IDUA: variants seen among roughly 807,000 people sequenced by gnomAD.
The protein encoded by IDUA is iduronidase alpha-L-.
IDUA carries 65 observed loss-of-function variants against 68.9 expected under a neutral mutation model. The observed-to-expected ratio is 0.94, with a 90% confidence interval of 0.77 to 1.16. The LOEUF is 1.16. Ranked by LOEUF, IDUA falls within the 50% of genes most tolerant of loss-of-function variation. IDUA has a pLI of 0.00. For synonymous variants in IDUA, 529 were observed against 433.6 expected, an observed-to-expected ratio of 1.22 and a Z score of -2.73; for missense variants, 1,046 against 938.0, an observed-to-expected ratio of 1.12 and a Z score of -1.50.
rs566741452 is a variant in IDUA, at chr4:987,178, G to T, written c.94G>T (p.Val32Leu). 2 of 1,469,932 alleles carry T rather than the reference G, an allele frequency of 1.4e-6. No homozygotes were observed. Among genetic ancestry groups the T allele is most frequent in the African/African-American group, 2.9e-5 (2 of 68,056 alleles). 91.1% of individuals were successfully genotyped at this position (1,469,932 alleles called of 1,614,324 possible). Residue 32 changes from valine to leucine, a missense_variant, in exon 1 of 14, where the codon GTG (valine) becomes TTG (leucine). Coordinates refer to ENST00000514224, the MANE Select transcript of IDUA (RefSeq NM_000203.5). ...PVAPAEAPHL[V>L]HVDAARALWP... ...GGCCCCGGCCGAGGCCCCGCACCTG[G>T]TGCATGTGGACGCGGCCCGCGCGCT...
At chr4:993,884 C>T (rs1011185015) in intron 2 of IDUA, among the ~76,000 whole-genome samples, 9 of 152,210 alleles carry the variant, frequency 5.9e-5, no homozygotes, top group African/African-American at 7.2e-5. Context: ...CGTGTGTGCT[C>T]GCGTAAGCCC....
At chr4:992,024 T>C in intron 2 of IDUA, 1 of 613,938 alleles carries the variant, frequency 1.6e-6, no homozygotes, top group Non-Finnish European at 3.0e-6. Context: ...CGGCACCCTG[T>C]CCAGGCTCAG....
chr4:988,815 T>C, intron 2 of IDUA: 1 of 1,548,930 alleles, frequency 6.5e-7, no homozygotes, highest in Non-Finnish European at 8.7e-7. Context: ...CAGAGGCTGC[T>C]GGGCAGGCCT....
intron 2 of IDUA, among the ~76,000 whole-genome samples, chr4:994,276 T>A (rs1714590645): frequency 6.8e-6 from 1 of 148,086 alleles, no homozygotes; most frequent in South Asian, 2.4e-4. Flanking sequence ...GCCCCCCACC[T>A]TTTCTTTTTT....
In IDUA at chr4:1,004,133, C is replaced by T. The variant is rs748513580; in HGVS notation, c.1828+21C>T. The T allele has an allele frequency of 7.4e-6, 12 of 1,612,362 alleles. No homozygotes were observed. Among genetic ancestry groups the T allele is most frequent in the Non-Finnish European group, 1.0e-5 (12 of 1,179,366 alleles). ...CCCAGGTGCGCCCACCACCCGCTGC[C>T]CTGGACTCGGCCACCCCATTCTTGG... On this transcript the variant is annotated intron_variant, in intron 13 of 13. Coordinates refer to ENST00000514224, the MANE Select transcript of IDUA (RefSeq NM_000203.5). The surrounding 1 kb of genome is among the most constrained non-coding windows in gnomAD (Gnocchi z 5.0).
intron 12 of IDUA, 121 bp downstream of exon 12, chr4:1,003,746 G>T (rs1012517572): frequency 3.5e-6 from 4 of 1,134,828 alleles, no homozygotes; most frequent in South Asian, 1.3e-5. Context: ...CTCCCTCGCC[G>T]CCCTGCGTCC....
rs1715117035 is a variant in IDUA at position 1,002,050 on chromosome 4, C to T, written c.861C>T (p.Phe287=). The change falls in exon 7 of 14, where the codon TTC becomes TTT. Residue 287 remains phenylalanine (F), a synonymous_variant. Transcript: ENST00000514224. The part of the protein sequence containing the change: ...KVVAQQIRQL[F]PKFADTPIYN... ...TCGCGCAGCAGATCCGGCAGCTCTT[C>T]CCCAAGTTCGCGGACACCCCCATTT... 4 of 1,597,536 alleles carry T rather than the reference C, an allele frequency of 2.5e-6. No individual in the cohort carries two copies. Among genetic ancestry groups the T allele is most frequent in the Non-Finnish European group, 3.4e-6 (4 of 1,173,716 alleles).
At chr4:1,001,423 G>A (rs771000679) in intron 4 of IDUA, 45 bp from the exon 5 acceptor site, 4 of 1,530,790 alleles carry the variant, frequency 2.6e-6, no homozygotes, top group Non-Finnish European at 3.6e-6. Context: ...GAGTCACTGA[G>A]GCGAGATTCA....
chr4:991,680 C>G (rs761195058), intron 2 of IDUA: 3 of 1,534,168 alleles, frequency 2.0e-6, no homozygotes, highest in Non-Finnish European at 2.6e-6. Flanking sequence ...TGCCCTGCTG[C>G]AGAGGCTCAG....
At chr4:993,788 T>A (rs984427721) in intron 2 of IDUA, among the ~76,000 whole-genome samples, 1 of 152,194 alleles carries the variant, frequency 6.6e-6, no homozygotes, top group Admixed American at 6.5e-5. Context: ...ACCCTCCTGG[T>A]CCTGCAAGGA....
intron 4 of IDUA, 80 bp downstream of exon 4, chr4:1,001,069 T>C: frequency 3.1e-6 from 3 of 964,528 alleles, no homozygotes; most frequent in Non-Finnish European, 5.0e-6. Context: ...CGCAGGCTGC[T>C]GCCTGGTCAG....
Position 1,002,137 on chromosome 4 carries a change from G to C in IDUA, c.948G>C (p.Val316=), listed in dbSNP as rs1463496008. ...TGCCACAGCCGTGGAGGGCGGACGT[G>C]ACCTACGCGGCCATGGTGGTGAAGG... ...WSLPQPWRAD[V]TYAAMVVKVI... Residue 316 remains valine, a synonymous_variant, in exon 7 of 14, where the codon GTG becomes GTC. Transcript: ENST00000514224. 1 of 1,561,062 alleles carries C rather than the reference G, an allele frequency of 6.4e-7. No homozygotes were observed. The highest frequency in any genetic ancestry group is 8.7e-7 in the Non-Finnish European group (1 of 1,152,994).
chr4:1,002,643 G>C, intron 8 of IDUA, 89 bp from the exon 9 acceptor site: 2 of 1,193,832 alleles, frequency 1.7e-6, no homozygotes, highest in East Asian at 3.0e-5. Context: ...ACCAAGGGGA[G>C]GGGGAGCGAG....
intron 2 of IDUA, among the ~76,000 whole-genome samples, chr4:995,349 G>A (rs1714683560): frequency 6.7e-6 from 1 of 149,780 alleles, no homozygotes; most frequent in South Asian, 2.1e-4. Context: ...GGCCAGTTCT[G>A]TCTCAAAAAA....
intron 8 of IDUA, 57 bp from the exon 9 acceptor site, chr4:1,002,675 G>A: frequency 1.5e-6 from 2 of 1,308,140 alleles, no homozygotes; most frequent in Non-Finnish European, 2.1e-6. Flanking sequence ...CCGGCCCTGG[G>A]TCGGGGGGCG....
At chr4:1,002,210 G>A (rs1263015945) in intron 7 of IDUA, 49 bp downstream of exon 7, 2 of 1,572,186 alleles carry the variant, frequency 1.3e-6, no homozygotes, top group Non-Finnish European at 1.7e-6. Context: ...TTCCTCCCGA[G>A]ACGGGACAGG....
chr4:1,001,232 T>C, intron 4 of IDUA: 1 of 619,576 alleles, frequency 1.6e-6, no homozygotes, highest in Non-Finnish European at 2.9e-6. Flanking sequence ...GGGTGGGGGG[T>C]ACTCCTGGGC....
chr4:990,056 C>A, intron 2 of IDUA: 1 of 1,601,446 alleles, frequency 6.2e-7, no homozygotes. Flanking sequence ...ACCAGCAGCT[C>A]CGTGGGCAGC....
In IDUA at chr4:1,004,061, A is replaced by C; in HGVS notation, c.1777A>C (p.Thr593Pro). ...IQFSQDGKAY[T>P]PVSRKPSTFN... ...GTTCTCTCAGGACGGTAAGGCGTACACCCCGGTCAGCAGGAAGCCATCGAC... is the reference window on the plus strand; with the variant it reads ...GTTCTCTCAGGACGGTAAGGCGTACCCCCCGGTCAGCAGGAAGCCATCGAC... Residue 593 changes from threonine to proline, a missense_variant, in exon 13 of 14, where the codon ACC becomes CCC. By Grantham distance (38) the Thr-to-Pro change is conservative. Transcript: ENST00000514224. This position sits in a 1 kb window ranked among gnomAD's most constrained non-coding sequence, Gnocchi z 5.0. 1 of 1,611,436 alleles carries C rather than the reference A, an allele frequency of 6.2e-7. No individual in the cohort carries two copies. Among genetic ancestry groups the C allele is most frequent in the Middle Eastern group, 1.6e-4 (1 of 6,062 alleles).
Sources: gnomAD v4.1 joint callset for allele counts (sites outside exome capture counted in the v4.1 genomes callset) on GRCh38, gnomAD v4.1.1 for gene constraint, Gnocchi (gnomAD v3.1) non-coding constraint, MANE v1.5 for transcripts, NCBI Gene and HGNC (gene_info 2026-07-23, HGNC 2026-07-21) for gene names.